ZNF160: variants seen among roughly 807,000 people sequenced by gnomAD.
The protein encoded by ZNF160 is zinc finger protein 160, also known as KRAB zinc finger protein KR18.
A neutral mutation model predicts 13.1 loss-of-function variants in ZNF160; 9 were observed. That is an observed-to-expected ratio of 0.69 (90% CI 0.41 to 1.20). The LOEUF is 1.20. Among genes scored for constraint, ZNF160 ranks in the 50% most tolerant of loss-of-function variants. The pLI, the probability that ZNF160 is intolerant of heterozygous loss-of-function variation, is 0.01. For synonymous variants in ZNF160, 293 were observed against 333.2 expected, an observed-to-expected ratio of 0.88 and a Z score of 1.31; for missense variants, 838 against 988.0, an observed-to-expected ratio of 0.85 and a Z score of 2.04.
intron 1 of ZNF160, among the ~76,000 whole-genome samples, chr19:53,098,694 G>A (rs1488753969): frequency 5.3e-5 from 8 of 151,450 alleles, no homozygotes; most frequent in African/African-American, 9.8e-5. Flanking sequence ...TGAACTTCTC[G>A]CCACCCTTCC....
At chr19:53,100,837 G>C (rs2085421048) in intron 1 of ZNF160, among the ~76,000 whole-genome samples, 1 of 151,334 alleles carries the variant, frequency 6.6e-6, no homozygotes, top group African/African-American at 2.4e-5. Flanking sequence ...ACGAAAATTA[G>C]CCAGGTGTGG....
Position 53,067,779 on chromosome 19 carries a change from G to C in ZNF160, c.*298C>G, listed in dbSNP as rs1035435406. ...AAGGCAAACAGGGAAACCAGAGACTGTTATTCCTCCTAGGAATCCTCACTT... is the reference window on the plus strand; with the variant it reads ...AAGGCAAACAGGGAAACCAGAGACTCTTATTCCTCCTAGGAATCCTCACTT... On this transcript the variant is annotated 3_prime_UTR_variant, in exon 6 of 6. Transcript: ENST00000683776. 9.3e-5 allele frequency: 28 copies of C among 302,174 alleles called. No individual in the cohort carries two copies. The East Asian group carries it at 1.6e-3, about 17-fold the overall frequency. The allele number at this position is 302,174 out of a possible 1,614,324, so 18.7% of individuals were successfully genotyped here.
intron 5 of ZNF160, chr19:53,073,145 T>G: frequency 7.3e-7 from 1 of 1,360,668 alleles, no homozygotes; most frequent in Non-Finnish European, 9.6e-7. Flanking sequence ...GTCCCCAACC[T>G]GTGGTAACCC....
chr19:53,070,354 C>T, intron 5 of ZNF160, 92 bp from the exon 6 acceptor site: 2 of 1,262,758 alleles, frequency 1.6e-6, no homozygotes, highest in Middle Eastern at 2.5e-4. Flanking sequence ...AAAAGTAATA[C>T]TTATATTGAA....
chr19:53,096,903 T>G (rs902171037), intron 1 of ZNF160, among the ~76,000 whole-genome samples: 11 of 120,004 alleles, frequency 9.2e-5, no homozygotes, highest in African/African-American at 3.8e-4. Flanking sequence ...GTGACCCCAT[T>G]AGCTCACCCC....
At chr19:53,084,203 G>A (rs2084744176) in intron 3 of ZNF160, among the ~76,000 whole-genome samples, 1 of 152,156 alleles carries the variant, frequency 6.6e-6, no homozygotes, top group Non-Finnish European at 1.5e-5. Context: ...GGCACCAGTG[G>A]CTGCCAGCTC....
intron 3 of ZNF160, chr19:53,075,507 T>C: frequency 2.8e-6 from 1 of 354,618 alleles, no homozygotes; most frequent in South Asian, 2.3e-5. Context: ...TGAGGCTCGG[T>C]TAGACTAAGC....
chr19:53,079,379 C>T (rs1259039576), intron 3 of ZNF160, among the ~76,000 whole-genome samples: 5 of 151,504 alleles, frequency 3.3e-5, no homozygotes, highest in African/African-American at 9.7e-5. Flanking sequence ...GGAGAAACCC[C>T]GTCTCTACTA....
chr19:53,067,128 AAAC>A lies in ZNF160; in HGVS notation c.*946_*948del, dbSNP rs1413243063. The A allele has an allele frequency of 1.3e-5, 2 of 152,166 alleles. No homozygotes were observed. The highest frequency in any genetic ancestry group is 1.5e-5 in the Non-Finnish European group (1 of 68,044). The allele number at this position is 152,166 out of a possible 1,614,324, so 9.4% of individuals were successfully genotyped here. ...GATCAATTTTTCATCACTCTTTGCTAAACAACAGGTATTGCTCTTTGATGCATA... is the reference window on the plus strand; with the variant it reads ...GATCAATTTTTCATCACTCTTTGCTAAACAGGTATTGCTCTTTGATGCATA... On this transcript the variant is annotated 3_prime_UTR_variant, in exon 6 of 6. Coordinates refer to ENST00000683776, the MANE Select transcript of ZNF160 (RefSeq NM_001322131.2).
intron 2 of ZNF160, among the ~76,000 whole-genome samples, chr19:53,086,924 T>A (rs926680931): frequency 5.9e-5 from 9 of 152,266 alleles, no homozygotes; most frequent in African/African-American, 1.9e-4. Flanking sequence ...TGGGGACTTG[T>A]TCTCACCAGG....
At chr19:53,085,576 G>A (rs1403476836) in intron 3 of ZNF160, 1 of 156,614 alleles carries the variant, frequency 6.4e-6, no homozygotes, top group Non-Finnish European at 1.4e-5. Flanking sequence ...CTGCTTATAT[G>A]CCATTCTCAC....
chr19:53,074,205 A>G lies in ZNF160; in HGVS notation c.206T>C (p.Val69Ala). The G allele has an allele frequency of 6.2e-7, 1 of 1,613,856 alleles. No individual in the cohort carries two copies. Among genetic ancestry groups the G allele is most frequent in the Non-Finnish European group, 8.5e-7 (1 of 1,179,974 alleles). ...TCTTGCTATTTTCACACAGCTCTTC[A>G]CAGTCCAGGGCTCTTTCCCTTCCTC... Reference protein sequence around the residue: ...MLEEGKEPWTVKSCVKIARKP... With the variant: ...MLEEGKEPWTAKSCVKIARKP... Residue 69 changes from valine (V) to alanine (A), a missense_variant, in exon 5 of 6, where the codon GTG becomes GCG. Val to Ala is a moderately conservative substitution (Grantham distance 64). This residue lies in a region of ZNF160 where 387 missense variants were observed against 402.3 expected (regional missense o/e 0.96). Transcript: ENST00000683776.
At chr19:53,070,337 T>G in intron 5 of ZNF160, 75 bp from the exon 6 acceptor site, 2 of 1,365,364 alleles carry the variant, frequency 1.5e-6, no homozygotes, top group Non-Finnish European at 1.9e-6. Flanking sequence ...TGAAAACATA[T>G]TCCACCAAAA....
At chr19:53,074,994 G>C in intron 4 of ZNF160, 63 bp downstream of exon 4, 3 of 1,609,762 alleles carry the variant, frequency 1.9e-6, no homozygotes, top group Non-Finnish European at 2.5e-6. Context: ...CCAGGGACTC[G>C]TAAGGGAAAA....
At chr19:53,086,775 A>C (rs993376912) in intron 2 of ZNF160, among the ~76,000 whole-genome samples, 3 of 151,906 alleles carry the variant, frequency 2.0e-5, no homozygotes, top group African/African-American at 7.2e-5. Context: ...GGGCTCTAAA[A>C]CACTGAAATG....
chr19:53,084,442 G>A (rs539478693), intron 3 of ZNF160, among the ~76,000 whole-genome samples: 40 of 152,302 alleles, frequency 2.6e-4, no homozygotes, highest in Admixed American at 2.5e-3. Context: ...ACTGGACTCT[G>A]CAAGCAGCGA....
intron 3 of ZNF160, 172 bp from the exon 4 acceptor site, chr19:53,075,355 A>G: frequency 2.8e-6 from 2 of 717,880 alleles, no homozygotes; most frequent in Non-Finnish European, 2.3e-6. Context: ...CTCTCCTGAC[A>G]TAAGAGCTCA....
At chr19:53,099,391 T>A (rs945717275) in intron 1 of ZNF160, among the ~76,000 whole-genome samples, 1 of 152,152 alleles carries the variant, frequency 6.6e-6, no homozygotes, top group Non-Finnish European at 1.5e-5. Context: ...AGTCATGAGA[T>A]GAGGGCAAGC....
At chr19:53,079,639 C>A (rs1162378296) in intron 3 of ZNF160, among the ~76,000 whole-genome samples, 1 of 122,872 alleles carries the variant, frequency 8.1e-6, no homozygotes, top group African/African-American at 3.3e-5. Context: ...GCTATGACAC[C>A]AAAAGGAAAC....
Sources: allele counts gnomAD v4.1 joint callset (sites outside exome capture counted in the v4.1 genomes callset), GRCh38; gene constraint gnomAD v4.1.1; regional missense constraint gnomAD v4.1.1; transcripts MANE v1.5; gene names NCBI Gene and HGNC (gene_info 2026-07-23, HGNC 2026-07-21).